The following TYW1 variants were observed in gnomAD, a reference collection of about 807,000 sequenced individuals.
The protein encoded by TYW1 is S-adenosyl-L-methionine-dependent tRNA 4-demethylwyosine synthase TYW1.
In TYW1, 46 loss-of-function variants were observed where a neutral mutation model predicts 96.2. That is an observed-to-expected ratio of 0.48 (90% CI 0.38 to 0.61). TYW1 has a LOEUF of 0.61. Ranked by LOEUF, TYW1 falls within the 20% of genes least tolerant of loss-of-function variation. The pLI is 0.00. For missense variants in TYW1, 684 were observed against 909.6 expected (o/e 0.75, Z 3.19); for synonymous variants, 274 against 323.0 (o/e 0.85, Z 1.63).
intron 13 of TYW1, among the ~76,000 whole-genome samples, chr7:67,148,740 G>C (rs1798694362): frequency 6.6e-6 from 1 of 152,118 alleles, no homozygotes; most frequent in African/African-American, 2.4e-5. Flanking sequence ...TGTTGAAAGT[G>C]ATTTTTATTT....
At chr7:67,064,351 A>G (rs1238918136) in intron 9 of TYW1, among the ~76,000 whole-genome samples, 1 of 152,244 alleles carries the variant, frequency 6.6e-6, no homozygotes, top group Non-Finnish European at 1.5e-5. Flanking sequence ...AGAGATAGAC[A>G]TATAAATCAA....
intron 6 of TYW1, among the ~76,000 whole-genome samples, chr7:67,021,109 A>T (rs901396416): frequency 3.3e-5 from 5 of 152,298 alleles, no homozygotes; most frequent in African/African-American, 1.2e-4. Context: ...GTTCAGGCCA[A>T]CATCTTTTCT....
At chr7:67,164,472 G>A (rs1028228012) in intron 13 of TYW1, among the ~76,000 whole-genome samples, 3 of 152,082 alleles carry the variant, frequency 2.0e-5, no homozygotes, top group Admixed American at 6.6e-5. Context: ...TTGGCTGGAT[G>A]TGATGGCATG....
chr7:67,221,877 A>T (rs375822996), intron 15 of TYW1, among the ~76,000 whole-genome samples: 11 of 105,134 alleles, frequency 1.0e-4, no homozygotes, highest in Non-Finnish European at 1.6e-4. Flanking sequence ...TTTTTTTTTT[A>T]AACACATTAG....
chr7:67,207,681 C>CTTTTTTTTTTTT (rs11286327), intron 15 of TYW1, among the ~76,000 whole-genome samples: 11 of 116,568 alleles, frequency 9.4e-5, no homozygotes, highest in East Asian at 2.4e-4. Flanking sequence ...TTTTGTTTGC[C>CTTTTTTTTTTTT]TTTTTTTTTT....
At chr7:67,205,721 T>A (rs1288176477) in intron 15 of TYW1, among the ~76,000 whole-genome samples, 1 of 152,182 alleles carries the variant, frequency 6.6e-6, no homozygotes, top group East Asian at 1.9e-4. Flanking sequence ...AGGTTGGTTA[T>A]TGTCTAAAAA....
At chr7:67,192,634 C>T (rs558917059) in intron 14 of TYW1, among the ~76,000 whole-genome samples, 73 of 152,256 alleles carry the variant, frequency 4.8e-4, no homozygotes, top group African/African-American at 1.5e-3. Context: ...GCCATGCTTT[C>T]GTAATGATGT....
At chr7:67,210,171 T>C (rs1026362275) in intron 15 of TYW1, among the ~76,000 whole-genome samples, 3 of 152,208 alleles carry the variant, frequency 2.0e-5, no homozygotes, top group African/African-American at 4.8e-5. Context: ...TCTCAGACTT[T>C]CCTTATTTTT....
At chr7:67,219,269 A>C (rs1481423672) in intron 15 of TYW1, among the ~76,000 whole-genome samples, 2 of 152,112 alleles carry the variant, frequency 1.3e-5, no homozygotes, top group Non-Finnish European at 2.9e-5. Context: ...TAATTCTTTT[A>C]ATATGCTGCT....
chr7:67,228,639 CT>C (rs1357690754), intron 15 of TYW1, among the ~76,000 whole-genome samples: 2 of 152,162 alleles, frequency 1.3e-5, no homozygotes, highest in Non-Finnish European at 2.9e-5. Flanking sequence ...TAATAAATAG[CT>C]TGTGGGGTAC....
intron 15 of TYW1, among the ~76,000 whole-genome samples, chr7:67,225,950 A>G (rs1433176603): frequency 6.6e-6 from 1 of 151,016 alleles, no homozygotes; most frequent in Non-Finnish European, 1.5e-5. Flanking sequence ...GGCAATCACA[A>G]GTCTGCCCTT....
At chr7:66,998,218 T>TTA in intron 2 of TYW1, 23 bp downstream of exon 2, 2 of 1,589,262 alleles carry the variant, frequency 1.3e-6, no homozygotes, top group Non-Finnish European at 8.5e-7. Flanking sequence ...ATTTTTTTTT[T>TTA]AATGGAGTAT....
At chr7:67,180,546 G>A (rs1002678852) in intron 13 of TYW1, among the ~76,000 whole-genome samples, 1 of 150,374 alleles carries the variant, frequency 6.7e-6, no homozygotes, top group African/African-American at 2.4e-5. Flanking sequence ...TCTTATCCTG[G>A]CCTTGTTGCT....
Position 67,212,139 on chromosome 7 carries a change from A to G in TYW1, c.1977+16802A>G, listed in dbSNP as rs1801053239. On this transcript the variant is annotated intron_variant, in intron 15 of 15. Transcript: ENST00000359626. The stretch of plus-strand genomic sequence containing the variant: ...TTTTCGTCCCTCCCGCCAAACTTGG[A>G]ACTGCTGGCAGCCACTGATTATTGT... Among the ~76,000 whole-genome samples the G allele has an allele frequency of 2.0e-5, 3 of 152,172 alleles. No individual in the cohort carries two copies. In the South Asian group the frequency reaches 6.2e-4, roughly 32 times the overall value.
At chr7:67,090,211 A>G (rs1796670810) in intron 11 of TYW1, among the ~76,000 whole-genome samples, 2 of 152,230 alleles carry the variant, frequency 1.3e-5, no homozygotes, top group Non-Finnish European at 2.9e-5. Flanking sequence ...AATTGTTTTC[A>G]GAAACTAATT....
chr7:67,151,823 T>C (rs1398442292), intron 13 of TYW1, among the ~76,000 whole-genome samples: 1 of 152,062 alleles, frequency 6.6e-6, no homozygotes, highest in Non-Finnish European at 1.5e-5. Flanking sequence ...GTTGTTGTTG[T>C]TGAGATAGGG....
At chr7:67,083,313 C>G (rs1563003615) in intron 10 of TYW1, 117 bp from the exon 11 acceptor site, 1 of 976,912 alleles carries the variant, frequency 1.0e-6, no homozygotes, top group Non-Finnish European at 1.6e-6. Context: ...TGGTTGAACT[C>G]TTAGGAGGAA....
intron 13 of TYW1, among the ~76,000 whole-genome samples, chr7:67,167,713 T>G (rs1380911905): frequency 6.6e-6 from 1 of 151,908 alleles, no homozygotes; most frequent in Non-Finnish European, 1.5e-5. Flanking sequence ...AAATTAAGTA[T>G]CCTTACATGT....
At chr7:67,206,291 A>AT (rs1198555041) in intron 15 of TYW1, among the ~76,000 whole-genome samples, 2 of 152,160 alleles carry the variant, frequency 1.3e-5, no homozygotes, top group Non-Finnish European at 2.9e-5. Context: ...ATCAGATCCC[A>AT]TTTAATAAAT....
Sources: gnomAD v4.1 joint callset for allele counts (sites outside exome capture counted in the v4.1 genomes callset) on GRCh38, gnomAD v4.1.1 for gene constraint, MANE v1.5 for transcripts, NCBI Gene and HGNC (gene_info 2026-07-23, HGNC 2026-07-21) for gene names.